Variants in CNTLN observed in about 807,000 individuals in gnomAD.
CNTLN encodes the protein centlein, centrosomal protein.
A neutral mutation model predicts 180.0 loss-of-function variants in CNTLN; 212 were observed. The ratio of observed to expected loss-of-function variants is 1.18; its 90% CI spans 1.05 to 1.32. CNTLN has a LOEUF of 1.32. CNTLN is among the 40% of genes most tolerant of loss of function. CNTLN has a pLI of 0.00. For synonymous variants in CNTLN, 722 were observed against 563.1 expected, an observed-to-expected ratio of 1.28 and a Z score of -3.99; for missense variants, 2,095 against 1,610.9, an observed-to-expected ratio of 1.30 and a Z score of -5.14.
chr9:17,395,107 C>T, intron 15 of CNTLN, 38 bp downstream of exon 15: 1 of 1,547,362 alleles, frequency 6.5e-7, no homozygotes, highest in Non-Finnish European at 8.7e-7. Context: ...GGTGGGGACA[C>T]TGCGCATATG....
intron 2 of CNTLN, chr9:17,167,747 T>C (rs962144440): frequency 1.3e-5 from 2 of 152,172 alleles, no homozygotes; most frequent in African/African-American, 2.4e-5. Flanking sequence ...CAAAAAGTTA[T>C]ATATGAAAGG....
intron 19 of CNTLN, among the ~76,000 whole-genome samples, chr9:17,459,144 A>C (rs1402667066): frequency 6.6e-6 from 1 of 151,894 alleles, no homozygotes; most frequent in Non-Finnish European, 1.5e-5. Context: ...AATAGTTTTA[A>C]GTTGATTTAT....
intron 13 of CNTLN, among the ~76,000 whole-genome samples, chr9:17,380,545 C>G (rs372927301): frequency 5.9e-5 from 9 of 152,124 alleles, no homozygotes; most frequent in African/African-American, 2.2e-4. Flanking sequence ...TACAACAAGT[C>G]TGGTTGGGGA....
At chr9:17,309,508 T>C (rs6475127) in intron 8 of CNTLN, among the ~76,000 whole-genome samples, 121,632 of 151,950 alleles carry the variant, frequency 0.8, 49,395 homozygotes, top group Non-Finnish European at 0.87. Context: ...TTGGCTGATA[T>C]ACATTATTGA....
intron 23 of CNTLN, among the ~76,000 whole-genome samples, chr9:17,481,265 C>A (rs1564141825): frequency 6.6e-6 from 1 of 152,156 alleles, no homozygotes; most frequent in African/African-American, 2.4e-5. Context: ...CCTGCCAGAC[C>A]CCAGAATACA....
At chr9:17,458,167 A>G (rs1831247852) in intron 19 of CNTLN, among the ~76,000 whole-genome samples, 1 of 151,768 alleles carries the variant, frequency 6.6e-6, no homozygotes, top group African/African-American at 2.4e-5. Context: ...GTCTCCAACC[A>G]ACAACCAACT....
intron 2 of CNTLN, among the ~76,000 whole-genome samples, chr9:17,192,205 A>G (rs895137687): frequency 6.6e-6 from 1 of 150,376 alleles, no homozygotes; most frequent in Non-Finnish European, 1.5e-5. Context: ...TATTGACTGA[A>G]TTCTTGCAGT....
chr9:17,236,279 A>C (rs373895537), intron 4 of CNTLN, 130 bp from the exon 5 acceptor site: 2 of 706,292 alleles, frequency 2.8e-6, no homozygotes, highest in South Asian at 6.1e-5. Flanking sequence ...GACCTTGGCT[A>C]TCAAATATAG....
the CNTLN span, among the ~76,000 whole-genome samples, chr9:17,522,326 A>G: frequency 6.6e-6 from 1 of 152,116 alleles, no homozygotes; most frequent in Non-Finnish European, 1.5e-5. Context: ...AACCGGTTTC[A>G]TTCCTCAAAC....
intron 2 of CNTLN, among the ~76,000 whole-genome samples, chr9:17,197,164 A>G (rs886959713): frequency 2.0e-5 from 3 of 152,206 alleles, no homozygotes; most frequent in African/African-American, 7.2e-5. Flanking sequence ...TCAAAGGGCT[A>G]TTGTATAATA....
At chr9:17,288,830 C>T (rs1229304614) in intron 6 of CNTLN, among the ~76,000 whole-genome samples, 15 of 129,910 alleles carry the variant, frequency 1.2e-4, no homozygotes, top group Non-Finnish European at 2.1e-4. Flanking sequence ...AGGATTGCAA[C>T]CCCTGCCTTT....
chr9:17,154,723 G>T (rs1445290834), intron 2 of CNTLN, among the ~76,000 whole-genome samples: 1 of 152,180 alleles, frequency 6.6e-6, no homozygotes, highest in Non-Finnish European at 1.5e-5. Context: ...GCACCAATCA[G>T]CACTCTGTAA....
At chr9:17,264,362 A>G (rs575286227) in intron 5 of CNTLN, among the ~76,000 whole-genome samples, 2,369 of 149,140 alleles carry the variant, frequency 0.016, 35 homozygotes, top group African/African-American at 0.053. Context: ...GTAGATATGC[A>G]GCGTTATTTC....
At chr9:17,299,201 C>G (rs1223488459) in intron 7 of CNTLN, 1 of 149,246 alleles carries the variant, frequency 6.7e-6, no homozygotes, top group African/African-American at 2.8e-5. Flanking sequence ...CAAGATCGCA[C>G]CATTGCACTC....
At chr9:17,213,237 G>C (rs1823467574) in intron 2 of CNTLN, among the ~76,000 whole-genome samples, 1 of 152,160 alleles carries the variant, frequency 6.6e-6, no homozygotes, top group Non-Finnish European at 1.5e-5. Context: ...GTGTGTCCCA[G>C]AGATTCTGGT....
chr9:17,511,860 G>C, the CNTLN span, among the ~76,000 whole-genome samples: 1 of 152,168 alleles, frequency 6.6e-6, no homozygotes, highest in East Asian at 1.9e-4. Flanking sequence ...TGAGCATAGA[G>C]TGGACTTAGA....
chr9:17,406,640 C>A (rs918454336), intron 15 of CNTLN, among the ~76,000 whole-genome samples: 1 of 151,684 alleles, frequency 6.6e-6, no homozygotes, highest in Non-Finnish European at 1.5e-5. Flanking sequence ...TTATAACATA[C>A]TATATCATAT....
intron 2 of CNTLN, among the ~76,000 whole-genome samples, chr9:17,196,389 C>G (rs1587097795): frequency 6.6e-6 from 1 of 152,070 alleles, no homozygotes; most frequent in Non-Finnish European, 1.5e-5. Context: ...GTTTTCACAT[C>G]TTTAAAAGGA....
At chr9:17,295,997 A>AGAGAGAGT (rs1342910465) in intron 6 of CNTLN, among the ~76,000 whole-genome samples, 5 of 91,290 alleles carry the variant, frequency 5.5e-5, no homozygotes, top group African/African-American at 3.0e-4. Context: ...AGAGAGAGAG[A>AGAGAGAGT]GTGTGTGTGT....
Sources: allele counts gnomAD v4.1 joint callset (sites outside exome capture counted in the v4.1 genomes callset), GRCh38; gene constraint gnomAD v4.1.1; transcripts MANE v1.5; gene names NCBI Gene and HGNC (gene_info 2026-07-23, HGNC 2026-07-21).